Variants in MYH11 observed in about 807,000 individuals in gnomAD.
MYH11 encodes the protein myosin-11.
Under a neutral mutation model 246.6 loss-of-function variants are expected in MYH11, and 80 were observed. The observed-to-expected ratio is 0.32, with a 90% CI of 0.27 to 0.39. The LOEUF (loss-of-function observed/expected upper bound fraction) is 0.39. Ranked by LOEUF, MYH11 falls within the 10% of genes least tolerant of loss-of-function variation. The probability of loss-of-function intolerance (pLI) is 1.00; values close to 1 mark genes in which losing one functional copy is unlikely to be tolerated. For synonymous variants in MYH11, 1,071 were observed against 1,015.5 expected (o/e 1.05, Z -1.04); for missense variants, 2,158 against 2,546.8 (o/e 0.85, Z 3.29).
At chr16:15,763,741 T>TGGGCCCCCCCCCCCCCC in intron 10 of MYH11, 55 bp downstream of exon 10, 4 of 646,854 alleles carry the variant, frequency 6.2e-6, no homozygotes, top group East Asian at 6.3e-5. Context: ...AAATGTCACC[T>TGGGCCCCCCCCCCCCCC]CCCCCACCCC....
intron 3 of MYH11, among the ~76,000 whole-genome samples, chr16:15,813,217 G>T (rs9931160): frequency 0.06 from 9,178 of 151,882 alleles, 948 homozygotes; most frequent in African/African-American, 0.21. Flanking sequence ...GCTGAGCATG[G>T]TGGTACATCT....
At chr16:15,826,645 C>T (rs7184472) in intron 2 of MYH11, among the ~76,000 whole-genome samples, 37,887 of 151,342 alleles carry the variant, frequency 0.25, 5,737 homozygotes, top group African/African-American at 0.43. Flanking sequence ...GCTCAGTCCA[C>T]TCAGGGACAA....
chr16:15,744,316 T>C (rs541476554), intron 20 of MYH11, among the ~76,000 whole-genome samples: 1 of 152,166 alleles, frequency 6.6e-6, no homozygotes, highest in South Asian at 2.1e-4. Flanking sequence ...TGCCTCAGCC[T>C]CCTGAGTAGC....
intron 2 of MYH11, among the ~76,000 whole-genome samples, chr16:15,830,899 C>T (rs531930352): frequency 3.3e-5 from 5 of 151,102 alleles, no homozygotes; most frequent in African/African-American, 9.7e-5. Context: ...AGGCTGGGCA[C>T]AGTGGCTTAA....
intron 36 of MYH11, 94 bp downstream of exon 36, chr16:15,719,126 T>G: frequency 7.8e-7 from 1 of 1,282,006 alleles, no homozygotes; most frequent in South Asian, 1.2e-5. Context: ...AAACTCTGTC[T>G]CGAAAAAATT....
intron 5 of MYH11, chr16:15,785,445 A>G (rs1457025696): frequency 6.6e-6 from 1 of 152,014 alleles, no homozygotes; most frequent in African/African-American, 2.4e-5. Flanking sequence ...CCAACTTGCC[A>G]GAGACAATTC....
chr16:15,832,931 C>T (rs1395207938), intron 2 of MYH11, among the ~76,000 whole-genome samples: 2 of 136,430 alleles, frequency 1.5e-5, no homozygotes, highest in African/African-American at 5.4e-5. Context: ...ATCTGAGCTT[C>T]AGCAACCTCA....
At chr16:15,846,666 C>G (rs1378592179) in intron 1 of MYH11, among the ~76,000 whole-genome samples, 2 of 152,142 alleles carry the variant, frequency 1.3e-5, no homozygotes, top group Non-Finnish European at 2.9e-5. Flanking sequence ...CTGGCCAACA[C>G]AGCAAGACCC....
chr16:15,828,550 C>T (rs547465153), intron 2 of MYH11, among the ~76,000 whole-genome samples: 33 of 152,264 alleles, frequency 2.2e-4, no homozygotes, highest in African/African-American at 4.3e-4. Context: ...CCCAGCACTT[C>T]GGGTGGCCAA....
chr16:15,802,298 C>A (rs1415712822), intron 3 of MYH11, among the ~76,000 whole-genome samples: 2 of 152,220 alleles, frequency 1.3e-5, no homozygotes, highest in African/African-American at 4.8e-5. Context: ...ATTCTCTCAG[C>A]AGCTCCTGGG....
At chr16:15,719,990 G>A (rs1353455672) in intron 34 of MYH11, among the ~76,000 whole-genome samples, 161 bp downstream of exon 34, 1 of 152,128 alleles carries the variant, frequency 6.6e-6, no homozygotes, top group African/African-American at 2.4e-5. Context: ...CAGGGCAGGA[G>A]ACAGCCACCA....
intron 4 of MYH11, among the ~76,000 whole-genome samples, chr16:15,797,395 C>A (rs2042765683): frequency 6.6e-6 from 1 of 151,986 alleles, no homozygotes; most frequent in African/African-American, 2.4e-5. Context: ...CCTGTGTTTT[C>A]CACTCAACGG....
chr16:15,740,690 C>G (rs1341545978), intron 22 of MYH11, among the ~76,000 whole-genome samples: 2 of 151,932 alleles, frequency 1.3e-5, no homozygotes, highest in Non-Finnish European at 2.9e-5. Context: ...AAAATGAGCA[C>G]AGTAGGTACC....
chr16:15,755,225 T>C (rs1260402389), intron 14 of MYH11, among the ~76,000 whole-genome samples: 1 of 152,208 alleles, frequency 6.6e-6, no homozygotes, highest in Non-Finnish European at 1.5e-5. Flanking sequence ...GACTAAGCTA[T>C]GTCCTTTGTA....
At chr16:15,785,055 AC>A (rs1390033642) in intron 5 of MYH11, 1 of 185,184 alleles carries the variant, frequency 5.4e-6, no homozygotes, top group East Asian at 1.2e-4. Context: ...TCACTATGTC[AC>A]CCAGGCTGGT....
chr16:15,812,732 G>T (rs1052132612), intron 3 of MYH11, among the ~76,000 whole-genome samples: 2 of 151,894 alleles, frequency 1.3e-5, no homozygotes, highest in African/African-American at 4.8e-5. Flanking sequence ...AATTAGCCGG[G>T]TGTGGTGGTG....
intron 2 of MYH11, among the ~76,000 whole-genome samples, chr16:15,831,841 G>A (rs962954471): frequency 1.3e-5 from 2 of 152,094 alleles, no homozygotes; most frequent in African/African-American, 4.8e-5. Flanking sequence ...GGGAGGCTGA[G>A]GCACAAGAAT....
At chr16:15,813,291 G>A (rs77419733) in intron 3 of MYH11, among the ~76,000 whole-genome samples, 1 of 152,158 alleles carries the variant, frequency 6.6e-6, no homozygotes, top group African/African-American at 2.4e-5. Flanking sequence ...TGAGGCTGCA[G>A]TGAGTTACAA....
At chr16:15,704,224 C>T in intron 40 of MYH11, 101 bp from the exon 41 acceptor site, 1 of 1,428,674 alleles carries the variant, frequency 7.0e-7, no homozygotes, top group South Asian at 1.2e-5. Context: ...AGTCCTATTG[C>T]AATATAAATT....
Sources: gnomAD v4.1 joint callset for allele counts (sites outside exome capture counted in the v4.1 genomes callset) on GRCh38, gnomAD v4.1.1 for gene constraint, MANE v1.5 for transcripts, NCBI Gene and HGNC (gene_info 2026-07-23, HGNC 2026-07-21) for gene names.